Variants in ESYT3 observed in about 807,000 individuals in gnomAD.
ESYT3 encodes the protein extended synaptotagmin 3, also known as extended synaptotagmin-3.
ESYT3 carries 101 observed loss-of-function variants against 111.5 expected under a neutral mutation model. That is an observed-to-expected ratio of 0.91 (90% CI 0.77 to 1.07). ESYT3 has a LOEUF of 1.07. Ranked by LOEUF, ESYT3 falls within the 50% of genes least tolerant of loss-of-function variation. The probability of loss-of-function intolerance (pLI) is 0.00; values close to 1 mark genes in which losing one functional copy is unlikely to be tolerated. For synonymous variants in ESYT3, 416 were observed against 446.8 expected (o/e 0.93, Z 0.87); for missense variants, 1,097 against 1,109.4 (o/e 0.99, Z 0.16).
intron 1 of ESYT3, among the ~76,000 whole-genome samples, chr3:138,449,745 T>G (rs1219269172): frequency 6.6e-6 from 1 of 152,198 alleles, no homozygotes; most frequent in Non-Finnish European, 1.5e-5. Context: ...AGCAAGTTCC[T>G]CTGAGAATGC....
chr3:138,454,209 T>G (rs915804958), intron 2 of ESYT3, among the ~76,000 whole-genome samples: 1 of 152,096 alleles, frequency 6.6e-6, no homozygotes, highest in Non-Finnish European at 1.5e-5. Flanking sequence ...ATCATGCCAC[T>G]GCACTCCAGC....
chr3:138,436,172 A>T (rs1324619389), intron 1 of ESYT3, among the ~76,000 whole-genome samples: 1 of 152,190 alleles, frequency 6.6e-6, no homozygotes, highest in Non-Finnish European at 1.5e-5. Context: ...TCAGTCAGCC[A>T]TAACTGAGTA....
chr3:138,467,506 C>T (rs2032988410), intron 10 of ESYT3, 55 bp from the exon 11 acceptor site: 1 of 1,579,242 alleles, frequency 6.3e-7, no homozygotes, highest in Non-Finnish European at 8.7e-7. Context: ...CCTCCATGCC[C>T]TCTGCTGCTT....
At chr3:138,442,819 T>C (rs184149093) in intron 1 of ESYT3, among the ~76,000 whole-genome samples, 117 of 152,334 alleles carry the variant, frequency 7.7e-4, no homozygotes, top group Non-Finnish European at 1.5e-3. Context: ...AGTCCACATT[T>C]CTCAATTTAA....
At chr3:138,452,459 G>A (rs1239178828) in intron 2 of ESYT3, among the ~76,000 whole-genome samples, 1 of 152,128 alleles carries the variant, frequency 6.6e-6, no homozygotes, top group African/African-American at 2.4e-5. Context: ...TGCAGTCTTG[G>A]GCAGACTGCC....
chr3:138,461,971 C>T, intron 7 of ESYT3, 115 bp from the exon 8 acceptor site: 2 of 1,496,054 alleles, frequency 1.3e-6, no homozygotes, highest in Non-Finnish European at 1.8e-6. Flanking sequence ...GGGCTGTTCT[C>T]TAGGTGGGGC....
chr3:138,476,583 G>GAAGGGAGGGAGATGAACACCTTTA, intron 22 of ESYT3, 91 bp downstream of exon 22: 1 of 1,321,794 alleles, frequency 7.6e-7, no homozygotes, highest in South Asian at 1.2e-5. Context: ...TGGTTATCAA[G>GAAGGGAGGGAGATGAACACCTTTA]AAGGGAGGGA....
rs145646721 is a variant in ESYT3, at chr3:138,476,527, T to G, written c.2624+35T>G. On this transcript the variant is annotated intron_variant, in intron 22 of 22. Coordinates refer to ENST00000389567, the MANE Select transcript of ESYT3 (RefSeq NM_031913.5). ...CCCTTTCATTTTATCACTGTTATCC[T>G]GCTATTCAAGACAGTTTTCCCTTTT... 7 of 1,603,474 alleles carry G rather than the reference T, an allele frequency of 4.4e-6. No homozygotes were observed. In the East Asian group the frequency reaches 1.3e-4, roughly 31 times the overall value.
chr3:138,472,317 G>A lies in ESYT3; in HGVS notation c.1741-46G>A, dbSNP rs375635605. On this transcript the variant is annotated intron_variant, in intron 17 of 22. Coordinates refer to ENST00000389567, the MANE Select transcript of ESYT3 (RefSeq NM_031913.5). ...AACGGGAAACAATGGCTGAGGTTGT[G>A]GAAGTGGTGACTCAGCTCATAAGCC... 22 of 1,585,480 alleles carry A rather than the reference G, an allele frequency of 1.4e-5. No individual in the cohort carries two copies. In the African/African-American group the frequency reaches 2.8e-4, roughly 20 times the overall value.
rs760693565 is a variant in ESYT3 at position 138,452,058 on chromosome 3, C to A, written c.338C>A (p.Pro113Gln). Reference sequence around the variant, plus strand: ...GGGCTTCTTTCCTAGATCCACTTCCCGGACGTGGAGCGGGTCGAGTGGGCC... The same window carrying A: ...GGGCTTCTTTCCTAGATCCACTTCCAGGACGTGGAGCGGGTCGAGTGGGCC... ...GQHLPAWIHF[P>Q]DVERVEWANK... The change falls in exon 2 of 23, where the codon CCG becomes CAG. Residue 113 changes from proline (P) to glutamine (Q), a missense_variant. Transcript: ENST00000389567. 5.6e-6 allele frequency: 9 copies of A among 1,606,682 alleles called. No homozygotes were observed. In the South Asian group the frequency reaches 8.8e-5, roughly 16 times the overall value.
rs1242207104 is a variant in ESYT3, at chr3:138,446,862, C to T, written c.328-5186C>T. Among the ~76,000 whole-genome samples the T allele has an allele frequency of 2.0e-5, 3 of 151,904 alleles. No individual in the cohort carries two copies. In the East Asian group the frequency reaches 5.8e-4, roughly 29 times the overall value. On this transcript the variant is annotated intron_variant, in intron 1 of 22. Transcript: ENST00000389567. ...GTAACATGACCTAATCCCGTCTCTA[C>T]CAAAACAAACAAACAAACAAACAAT...
At position 138,472,689 on chromosome 3, in the gene ESYT3, C is replaced by A. The variant is rs752716471; in HGVS notation, c.2067C>A (p.Phe689Leu). Reference protein sequence around the residue: ...IGEKKSPATIFLTVPGPHSPG... With the variant: ...IGEKKSPATILLTVPGPHSPG... ...AGAAGAAGAGTCCAGCCACCATCTT[C>A]CTGACTGTCCCAGGTCCCCACTCTC... Residue 689 changes from phenylalanine (F) to leucine (L), a missense_variant, in exon 18 of 23, where the codon TTC (phenylalanine) becomes TTA (leucine). Coordinates refer to ENST00000389567, the MANE Select transcript of ESYT3 (RefSeq NM_031913.5). The A allele has an allele frequency of 6.2e-7, 1 of 1,614,218 alleles. No homozygotes were observed. The highest frequency in any genetic ancestry group is 1.7e-5 in the Admixed American group (1 of 60,026).
intron 1 of ESYT3, among the ~76,000 whole-genome samples, chr3:138,448,211 G>C (rs2031675833): frequency 7.0e-6 from 1 of 143,310 alleles, no homozygotes; most frequent in Non-Finnish European, 1.5e-5. Context: ...AGGTTGCAGT[G>C]AGCCGAGATT....
chr3:138,478,624 T>A lies in ESYT3; in HGVS notation c.*1770T>A, dbSNP rs1026595548. 6.6e-6 allele frequency: 1 copy of A among 152,216 alleles called. No homozygotes were observed. Among genetic ancestry groups the A allele is most frequent in the Non-Finnish European group, 1.5e-5 (1 of 68,024 alleles). The allele number at this position is 152,216 out of a possible 1,614,324, so 9.4% of individuals were successfully genotyped here. A position where few individuals can be genotyped will look rare whatever the true frequency, so the allele number is the denominator to read the frequency against. ...AAACATTTATTTTAAACGTGGTCAA[T>A]TGAACCGTTTTTACCTGTGTCAGGC... is the stretch of plus-strand genomic sequence containing the variant. On this transcript the variant is annotated 3_prime_UTR_variant, in exon 23 of 23. Coordinates refer to ENST00000389567, the MANE Select transcript of ESYT3 (RefSeq NM_031913.5).
intron 4 of ESYT3, among the ~76,000 whole-genome samples, chr3:138,458,349 G>T (rs1256690654): frequency 2.0e-5 from 3 of 152,230 alleles, no homozygotes; most frequent in Non-Finnish European, 4.4e-5. Context: ...GCTATCAGGT[G>T]CTCCCAGCCC....
At chr3:138,437,886 A>T (rs1475936362) in intron 1 of ESYT3, among the ~76,000 whole-genome samples, 1 of 152,092 alleles carries the variant, frequency 6.6e-6, no homozygotes, top group Non-Finnish European at 1.5e-5. Context: ...CAGGATGAGA[A>T]ACAGGTCTGG....
chr3:138,472,796 T>A lies in ESYT3; in HGVS notation c.2174T>A (p.Met725Lys), dbSNP rs1245286304. 1.2e-6 allele frequency: 2 copies of A among 1,614,222 alleles called. No individual in the cohort carries two copies. Among genetic ancestry groups the A allele is most frequent in the Non-Finnish European group, 1.7e-6 (2 of 1,180,042 alleles). The change falls in exon 18 of 23, where the codon ATG becomes AAG. Residue 725 changes from methionine (M) to lysine (K), a missense_variant. Transcript: ENST00000389567. ...AWPPKRLAPS[M>K]SSLNSLASSC... The stretch of plus-strand genomic sequence containing the variant: ...CCGCCCAAGAGGCTGGCTCCCAGCA[T>A]GTCCTCGCTCAACTCCTTGGCCTCT...
At chr3:138,452,498 G>A (rs749298872) in intron 2 of ESYT3, among the ~76,000 whole-genome samples, 3 of 152,118 alleles carry the variant, frequency 2.0e-5, no homozygotes, top group Non-Finnish European at 2.9e-5. Flanking sequence ...TTCCTTATCC[G>A]TAAAATGGGA....
chr3:138,447,713 A>G (rs896190619), intron 1 of ESYT3, among the ~76,000 whole-genome samples: 3 of 152,218 alleles, frequency 2.0e-5, no homozygotes, highest in African/African-American at 7.2e-5. Context: ...GTACTCTAAC[A>G]AAAAATATAC....
Sources: gnomAD v4.1 joint callset for allele counts (sites outside exome capture counted in the v4.1 genomes callset) on GRCh38, gnomAD v4.1.1 for gene constraint, MANE v1.5 for transcripts, NCBI Gene and HGNC (gene_info 2026-07-23, HGNC 2026-07-21) for gene names.